Variants in RNLS observed in about 807,000 individuals in gnomAD.
RNLS encodes the protein renalase.
In RNLS, 39 loss-of-function variants were observed where a neutral mutation model predicts 39.8. That is an observed-to-expected ratio of 0.98 (90% CI 0.76 to 1.28). The LOEUF is 1.28. Ranked by LOEUF, RNLS falls within the 50% of genes most tolerant of loss-of-function variation. The pLI, the probability that RNLS is intolerant of heterozygous loss-of-function variation, is 0.00. For synonymous variants in RNLS, 147 were observed against 150.7 expected, an observed-to-expected ratio of 0.98 and a Z score of 0.18; for missense variants, 410 against 413.3, an observed-to-expected ratio of 0.99 and a Z score of 0.07.
intron 4 of RNLS, among the ~76,000 whole-genome samples, chr10:88,543,508 G>A (rs1185353292): frequency 6.6e-6 from 1 of 152,120 alleles, no homozygotes; most frequent in South Asian, 2.1e-4. Flanking sequence ...CCAATGGGCT[G>A]TCTAGTTGTG....
intron 4 of RNLS, among the ~76,000 whole-genome samples, chr10:88,478,871 CT>C (rs1301431498): frequency 6.7e-6 from 1 of 150,286 alleles, no homozygotes; most frequent in Non-Finnish European, 1.5e-5. Context: ...TCATTTCTTT[CT>C]TTCTCTTTCT....
chr10:88,412,027 G>A (rs528946635), intron 4 of RNLS, among the ~76,000 whole-genome samples: 8 of 152,168 alleles, frequency 5.3e-5, no homozygotes, highest in African/African-American at 1.9e-4. Flanking sequence ...AGTTTGAGCC[G>A]TTTATCTGAC....
At position 88,345,789 on chromosome 10, in the gene RNLS, T is replaced by C. The variant is rs1200801911; in HGVS notation, c.700+16763A>G. ...AAGATTAATCATGATCACAGAGCTA[T>C]TAGGTTGAATCACATGAAAATGCTG... On this transcript the variant is annotated intron_variant, in intron 5 of 6. Transcript: ENST00000331772. 2.6e-5 allele frequency among the ~76,000 whole-genome samples: 4 copies of C among 152,152 alleles called. 1 individual carries two copies. The East Asian group carries it at 7.7e-4, about 29-fold the overall frequency.
At chr10:88,577,717 G>A (rs2134477927) in intron 3 of RNLS, among the ~76,000 whole-genome samples, 1 of 152,314 alleles carries the variant, frequency 6.6e-6, no homozygotes, top group East Asian at 1.9e-4. Context: ...CAGGCAGTCA[G>A]TGAAATTGAT....
At chr10:88,399,416 A>G (rs1852774467) in intron 4 of RNLS, among the ~76,000 whole-genome samples, 1 of 152,100 alleles carries the variant, frequency 6.6e-6, no homozygotes, top group Non-Finnish European at 1.5e-5. Context: ...TGGATAAACA[A>G]TTACGGTATA....
chr10:88,399,158 A>G (rs1453137160), intron 4 of RNLS, among the ~76,000 whole-genome samples: 1 of 152,010 alleles, frequency 6.6e-6, no homozygotes, highest in Non-Finnish European at 1.5e-5. Context: ...ATATAGTGTC[A>G]TTGGAACCCT....
chr10:88,414,401 A>G (rs1181275754), intron 4 of RNLS, among the ~76,000 whole-genome samples: 1 of 152,194 alleles, frequency 6.6e-6, no homozygotes, highest in African/African-American at 2.4e-5. Flanking sequence ...AACTGCTCAC[A>G]TGATGGGATC....
the RNLS span, among the ~76,000 whole-genome samples, chr10:88,246,800 G>A: frequency 6.6e-6 from 1 of 152,046 alleles, no homozygotes; most frequent in African/African-American, 2.4e-5. Context: ...AACACCCAGC[G>A]TTCCCTCTGA....
chr10:88,545,803 G>A (rs1194673948), intron 4 of RNLS, among the ~76,000 whole-genome samples: 1 of 152,108 alleles, frequency 6.6e-6, no homozygotes, highest in Non-Finnish European at 1.5e-5. Flanking sequence ...CCATATCTAT[G>A]TATATATCTA....
At chr10:88,483,464 C>A (rs759145420) in intron 4 of RNLS, among the ~76,000 whole-genome samples, 2 of 152,004 alleles carry the variant, frequency 1.3e-5, no homozygotes. Flanking sequence ...TCCTAAAATC[C>A]GCTTGGCAAA....
the RNLS span, among the ~76,000 whole-genome samples, chr10:88,196,571 G>A: frequency 6.6e-6 from 1 of 152,118 alleles, no homozygotes; most frequent in Non-Finnish European, 1.5e-5. Context: ...TACCAGTTCT[G>A]CACTTGGACT....
intron 4 of RNLS, among the ~76,000 whole-genome samples, chr10:88,545,952 C>A (rs1165108081): frequency 6.6e-6 from 1 of 151,792 alleles, no homozygotes; most frequent in Non-Finnish European, 1.5e-5. Context: ...AAATCTGAGT[C>A]ACCATTCATT....
intron 4 of RNLS, among the ~76,000 whole-genome samples, chr10:88,378,513 G>A (rs536881378): frequency 2.6e-5 from 4 of 152,214 alleles, no homozygotes; most frequent in Admixed American, 2.6e-4. Context: ...CTGCCTTTCT[G>A]TATAAAAATT....
chr10:88,283,064 T>C (rs78307401), downstream of RNLS, among the ~76,000 whole-genome samples: 1,064 of 152,294 alleles, frequency 7.0e-3, 7 homozygotes, highest in African/African-American at 0.024. Flanking sequence ...CTGTTCTACC[T>C]GGTGCTGACT....
intron 6 of RNLS, among the ~76,000 whole-genome samples, chr10:88,293,076 A>T (rs934247227): frequency 4.0e-5 from 6 of 151,836 alleles, no homozygotes; most frequent in African/African-American, 9.7e-5. Context: ...CAAAAAAAAA[A>T]TTTTCATCCA....
chr10:88,364,177 A>G (rs1210223849), intron 4 of RNLS, among the ~76,000 whole-genome samples: 1 of 152,124 alleles, frequency 6.6e-6, no homozygotes. Context: ...CTGCCTTAGG[A>G]AGGCTCATTC....
At chr10:88,462,013 C>A (rs1225526305) in intron 4 of RNLS, among the ~76,000 whole-genome samples, 1 of 151,946 alleles carries the variant, frequency 6.6e-6, no homozygotes, top group Admixed American at 6.6e-5. Context: ...GGACCATATG[C>A]TTTATGCTTC....
intron 5 of RNLS, among the ~76,000 whole-genome samples, chr10:88,332,748 G>A (rs971127377): frequency 1.3e-5 from 2 of 152,164 alleles, no homozygotes; most frequent in Admixed American, 6.5e-5. Flanking sequence ...AAATGATAGA[G>A]GTGAAATGAC....
At chr10:88,287,378 G>A (rs976082020) in intron 6 of RNLS, among the ~76,000 whole-genome samples, 1 of 152,106 alleles carries the variant, frequency 6.6e-6, no homozygotes, top group Admixed American at 6.6e-5. Context: ...AGCACATAGT[G>A]CAGTCACTGA....
Sources: gnomAD v4.1 joint callset for allele counts (sites outside exome capture counted in the v4.1 genomes callset) on GRCh38, gnomAD v4.1.1 for gene constraint, MANE v1.5 for transcripts, NCBI Gene and HGNC (gene_info 2026-07-23, HGNC 2026-07-21) for gene names.